Variants in TSHZ2 observed in about 807,000 individuals in gnomAD.
TSHZ2 encodes teashirt zinc finger homeobox 2, also known as teashirt homolog 2.
In TSHZ2, 21 loss-of-function variants were observed where a neutral mutation model predicts 74.4. The observed-to-expected ratio is 0.28, with a 90% confidence interval of 0.20 to 0.41. The LOEUF (loss-of-function observed/expected upper bound fraction) is 0.41. TSHZ2 is among the 10% of genes least tolerant of loss of function. TSHZ2 has a pLI of 1.00. For missense variants in TSHZ2, 1,244 were observed against 1,293.5 expected (o/e 0.96, Z 0.59); for synonymous variants, 540 against 515.3 (o/e 1.05, Z -0.65).
At chr20:52,991,071 G>T (rs573969217) in intron 1 of TSHZ2, among the ~76,000 whole-genome samples, 1 of 152,288 alleles carries the variant, frequency 6.6e-6, no homozygotes, top group African/African-American at 2.4e-5. Context: ...GTGGGTATTA[G>T]TGTGTGTGTT....
At chr20:53,273,899 T>G (rs1264416223) in intron 2 of TSHZ2, among the ~76,000 whole-genome samples, 1 of 152,124 alleles carries the variant, frequency 6.6e-6, no homozygotes, top group Non-Finnish European at 1.5e-5. Context: ...AGGATACAAC[T>G]GCTCTTCCCG....
In TSHZ2 at chr20:53,010,914, T is replaced by C. The variant is rs369089976; in HGVS notation, c.40+37581T>C. Among the ~76,000 whole-genome samples, 33 of 152,350 alleles carry C rather than the reference T, an allele frequency of 2.2e-4. 1 individual carries two copies. In the East Asian group the frequency reaches 5.0e-3, roughly 23 times the overall value. On this transcript the variant is annotated intron_variant, in intron 1 of 2. Coordinates refer to ENST00000371497, the MANE Select transcript of TSHZ2 (RefSeq NM_173485.6). ...CCTAGAAAAATTTTATTTTGTAGAG[T>C]TGGACATTTTCTTTATTACGTTGTC... is the stretch of plus-strand genomic sequence containing the variant.
chr20:53,293,715 A>AG (rs1203113028), intron 2 of TSHZ2, among the ~76,000 whole-genome samples: 6 of 147,902 alleles, frequency 4.1e-5, no homozygotes, highest in African/African-American at 1.3e-4. Context: ...AAAAAAAAAA[A>AG]AAAGAAAAGA....
chr20:53,261,778 T>A (rs144861895), intron 2 of TSHZ2, among the ~76,000 whole-genome samples: 3 of 152,362 alleles, frequency 2.0e-5, no homozygotes, highest in African/African-American at 7.2e-5. Flanking sequence ...TTTCTTTCGC[T>A]AAATTGAAAA....
Position 53,238,372 on chromosome 20 carries a change from G to A in TSHZ2, c.41-15127G>A, listed in dbSNP as rs117780934. ...GAACTAGTATGTCTGTGAGGACCAA[G>A]GGGGCAGAATCAAAAGACAATCTCT... On this transcript the variant is annotated intron_variant, in intron 1 of 2. Transcript: ENST00000371497. Among the ~76,000 whole-genome samples the A allele has an allele frequency of 6.8e-3, 1,032 of 152,206 alleles. 6 individuals carry two copies. Among genetic ancestry groups the A allele is most frequent in the Middle Eastern group, 0.044 (13 of 294 alleles).
chr20:53,018,780 C>T (rs1158822613), intron 1 of TSHZ2, among the ~76,000 whole-genome samples: 1 of 151,580 alleles, frequency 6.6e-6, no homozygotes. Flanking sequence ...AAGCTTAATT[C>T]AGGACACAAC....
chr20:53,091,476 T>C (rs1045011122), intron 1 of TSHZ2, among the ~76,000 whole-genome samples: 1 of 152,228 alleles, frequency 6.6e-6, no homozygotes, highest in African/African-American at 2.4e-5. Context: ...CTTAAATAAT[T>C]TGTAAGATTT....
intron 2 of TSHZ2, among the ~76,000 whole-genome samples, chr20:53,463,925 G>C (rs777459506): frequency 6.6e-6 from 1 of 152,192 alleles, no homozygotes; most frequent in Non-Finnish European, 1.5e-5. Flanking sequence ...GCTCCCTATC[G>C]ACAATGGACC....
chr20:53,348,912 G>T (rs73913704), intron 2 of TSHZ2, among the ~76,000 whole-genome samples: 1 of 152,090 alleles, frequency 6.6e-6, no homozygotes, highest in Non-Finnish European at 1.5e-5. Flanking sequence ...TCCGAGCCCC[G>T]CAAGGATACC....
rs1315939852 is a variant in TSHZ2 at position 53,073,056 on chromosome 20, CCATT to C, written c.40+99727_40+99730del. On this transcript the variant is annotated intron_variant, in intron 1 of 2. Coordinates refer to ENST00000371497, the MANE Select transcript of TSHZ2 (RefSeq NM_173485.6). ...CTTCCTCCATCCATTCCTCCTTAAT[CCATT>C]CATCCATCCCTCCATTCCTTTATTC... Among the ~76,000 whole-genome samples the C allele has an allele frequency of 3.0e-5, 3 of 98,630 alleles. No homozygotes were observed. The East Asian group carries it at 9.2e-4, about 30-fold the overall frequency. 64.7% of individuals were successfully genotyped at this position (98,630 alleles called of 152,430 possible).
intron 2 of TSHZ2, among the ~76,000 whole-genome samples, chr20:53,259,238 G>C (rs1235990516): frequency 6.6e-6 from 1 of 152,194 alleles, no homozygotes; most frequent in African/African-American, 2.4e-5. Context: ...GTATGATCAA[G>C]ATTTCTTGGA....
intron 1 of TSHZ2, among the ~76,000 whole-genome samples, chr20:53,174,652 A>G (rs1988282930): frequency 6.6e-6 from 1 of 152,148 alleles, no homozygotes. Context: ...AGCTATCATG[A>G]CGCCTGTGTC....
At chr20:53,381,732 T>C (rs368431717) in intron 2 of TSHZ2, among the ~76,000 whole-genome samples, 6 of 152,156 alleles carry the variant, frequency 3.9e-5, no homozygotes, top group East Asian at 3.9e-4. Flanking sequence ...AAGGGAGAAA[T>C]TGGCGATTTG....
At chr20:53,187,145 G>A (rs543624542) in intron 1 of TSHZ2, among the ~76,000 whole-genome samples, 23 of 152,188 alleles carry the variant, frequency 1.5e-4, no homozygotes, top group South Asian at 6.2e-4. Context: ...GACACTCGCC[G>A]CACGTCTGGG....
At chr20:53,334,194 A>G (rs576651244) in intron 2 of TSHZ2, among the ~76,000 whole-genome samples, 2 of 152,272 alleles carry the variant, frequency 1.3e-5, no homozygotes, top group Non-Finnish European at 2.9e-5. Context: ...AAAGTAAGTC[A>G]TGGAATGTAT....
chr20:53,065,238 CTA>C (rs1984944523), intron 1 of TSHZ2, among the ~76,000 whole-genome samples: 1 of 152,152 alleles, frequency 6.6e-6, no homozygotes, highest in African/African-American at 2.4e-5. Flanking sequence ...AACATAGTAA[CTA>C]TTTTATTATT....
chr20:53,296,264 G>A (rs942185642), intron 2 of TSHZ2, among the ~76,000 whole-genome samples: 2 of 152,068 alleles, frequency 1.3e-5, no homozygotes, highest in African/African-American at 4.8e-5. Context: ...GCTTCACAAT[G>A]CTGAGCTGCC....
At chr20:53,359,800 G>A (rs1325343430) in intron 2 of TSHZ2, among the ~76,000 whole-genome samples, 1 of 152,186 alleles carries the variant, frequency 6.6e-6, no homozygotes, top group East Asian at 1.9e-4. Context: ...GACCGTGGAG[G>A]GCTTCGAGCC....
chr20:53,165,259 A>G (rs1008466296), intron 1 of TSHZ2, among the ~76,000 whole-genome samples: 2 of 152,240 alleles, frequency 1.3e-5, no homozygotes, highest in South Asian at 4.1e-4. Flanking sequence ...TAACAGCCCA[A>G]AGAGGCAAGT....
Sources: allele counts gnomAD v4.1 joint callset (sites outside exome capture counted in the v4.1 genomes callset), GRCh38; gene constraint gnomAD v4.1.1; transcripts MANE v1.5; gene names NCBI Gene and HGNC (gene_info 2026-07-23, HGNC 2026-07-21).